SPAG16: variants seen among roughly 807,000 people sequenced by gnomAD.
SPAG16 encodes sperm-associated antigen 16 protein.
A neutral mutation model predicts 80.4 loss-of-function variants in SPAG16; 86 were observed. The ratio of observed to expected loss-of-function variants is 1.07; its 90% CI spans 0.90 to 1.28. The LOEUF (loss-of-function observed/expected upper bound fraction) is 1.28. Ranked by LOEUF, SPAG16 falls within the 50% of genes most tolerant of loss-of-function variation. The probability of loss-of-function intolerance (pLI) is 0.00; values close to 1 mark genes in which losing one functional copy is unlikely to be tolerated. For missense variants in SPAG16, 870 were observed against 765.3 expected (o/e 1.14, Z -1.61); for synonymous variants, 294 against 265.9 (o/e 1.11, Z -1.03).
At chr2:213,411,138 G>A (rs765838163) in intron 9 of SPAG16, among the ~76,000 whole-genome samples, 4 of 152,160 alleles carry the variant, frequency 2.6e-5, no homozygotes, top group East Asian at 1.9e-4. Flanking sequence ...TGGCACTTGC[G>A]CTTTAGTCCA....
At chr2:213,771,432 G>T (rs549660074) in intron 10 of SPAG16, among the ~76,000 whole-genome samples, 9 of 152,070 alleles carry the variant, frequency 5.9e-5, no homozygotes, top group Non-Finnish European at 1.2e-4. Flanking sequence ...GGTTTCTTTT[G>T]CTGTGCAGAA....
At chr2:213,542,709 G>A (rs537620236) in intron 10 of SPAG16, among the ~76,000 whole-genome samples, 1 of 152,182 alleles carries the variant, frequency 6.6e-6, no homozygotes, top group East Asian at 1.9e-4. Context: ...GAAAAAATGA[G>A]TTGATGCAGC....
chr2:213,606,409 G>A (rs1014641482), intron 10 of SPAG16, among the ~76,000 whole-genome samples: 5 of 152,078 alleles, frequency 3.3e-5, no homozygotes, highest in African/African-American at 1.2e-4. Flanking sequence ...TCACATTTTC[G>A]ACAACATTAT....
intron 10 of SPAG16, among the ~76,000 whole-genome samples, chr2:213,553,679 G>A (rs1439818385): frequency 1.3e-5 from 2 of 152,090 alleles, no homozygotes; most frequent in Admixed American, 1.3e-4. Context: ...CCAGACCTGG[G>A]CTCTGTGACT....
At chr2:214,044,328 A>T (rs1437018615) in intron 13 of SPAG16, among the ~76,000 whole-genome samples, 1 of 152,240 alleles carries the variant, frequency 6.6e-6, no homozygotes, top group East Asian at 1.9e-4. Flanking sequence ...CTTTCCATTC[A>T]TAAAATACTA....
intron 10 of SPAG16, among the ~76,000 whole-genome samples, chr2:213,813,089 C>T (rs1166931487): frequency 6.6e-6 from 1 of 152,086 alleles, no homozygotes; most frequent in Non-Finnish European, 1.5e-5. Flanking sequence ...ATAAGAATGT[C>T]ACTCTAACCC....
At chr2:214,351,052 T>A (rs943319223) in intron 15 of SPAG16, among the ~76,000 whole-genome samples, 11 of 152,210 alleles carry the variant, frequency 7.2e-5, no homozygotes, top group Admixed American at 7.2e-4. Flanking sequence ...ATTAATTGGA[T>A]CAGAGTGGAG....
intron 10 of SPAG16, among the ~76,000 whole-genome samples, chr2:213,668,009 CGGCTCACT>C (rs1407103990): frequency 6.6e-6 from 1 of 150,798 alleles, no homozygotes; most frequent in Non-Finnish European, 1.5e-5. Flanking sequence ...TGCATGATCT[CGGCTCACT>C]GCAACCTCCG....
intron 6 of SPAG16, among the ~76,000 whole-genome samples, chr2:213,347,425 C>A (rs1197666511): frequency 6.6e-6 from 1 of 151,772 alleles, no homozygotes; most frequent in African/African-American, 2.4e-5. Flanking sequence ...TGCCTTCTGC[C>A]AGCTTTTGAA....
At chr2:213,990,825 C>T (rs757909521) in intron 12 of SPAG16, among the ~76,000 whole-genome samples, 1 of 151,906 alleles carries the variant, frequency 6.6e-6, no homozygotes, top group Non-Finnish European at 1.5e-5. Flanking sequence ...TCTAAGAAGC[C>T]ACTGAAAAAA....
intron 3 of SPAG16, among the ~76,000 whole-genome samples, chr2:213,303,772 C>A (rs188847275): frequency 6.6e-6 from 1 of 152,156 alleles, no homozygotes; most frequent in Non-Finnish European, 1.5e-5. Flanking sequence ...CCTTTCTGCA[C>A]TCACCTGTTG....
At chr2:213,942,447 G>T (rs2079246736) in intron 12 of SPAG16, among the ~76,000 whole-genome samples, 1 of 152,134 alleles carries the variant, frequency 6.6e-6, no homozygotes, top group Non-Finnish European at 1.5e-5. Flanking sequence ...GCAAATAGAA[G>T]AAATCAGAAG....
chr2:213,600,721 A>G (rs956491776), intron 10 of SPAG16, among the ~76,000 whole-genome samples: 6 of 152,224 alleles, frequency 3.9e-5, no homozygotes, highest in African/African-American at 1.4e-4. Flanking sequence ...TTAAGCATGC[A>G]TATTCCTTGG....
intron 15 of SPAG16, among the ~76,000 whole-genome samples, chr2:214,266,723 T>C (rs924751582): frequency 5.9e-5 from 9 of 151,418 alleles, no homozygotes; most frequent in Non-Finnish European, 8.9e-5. Flanking sequence ...TTAGAACTAA[T>C]AAACAAATTT....
intron 12 of SPAG16, among the ~76,000 whole-genome samples, chr2:213,982,332 C>T (rs2045790884): frequency 6.6e-6 from 1 of 151,968 alleles, no homozygotes; most frequent in Admixed American, 6.6e-5. Flanking sequence ...GCTCTCAAAA[C>T]AACTCTGAGA....
chr2:214,049,024 C>T (rs1344877406), intron 13 of SPAG16, among the ~76,000 whole-genome samples: 2 of 149,340 alleles, frequency 1.3e-5, no homozygotes, highest in Non-Finnish European at 3.0e-5. Context: ...CAGCCTTGAA[C>T]TCCTGGGCTC....
intron 12 of SPAG16, among the ~76,000 whole-genome samples, chr2:213,935,979 A>G (rs1214433584): frequency 6.6e-6 from 1 of 152,174 alleles, no homozygotes; most frequent in Non-Finnish European, 1.5e-5. Context: ...ATATTTAGAG[A>G]TGACAAATTT....
At chr2:213,719,924 C>T (rs1041520907) in intron 10 of SPAG16, among the ~76,000 whole-genome samples, 5 of 152,160 alleles carry the variant, frequency 3.3e-5, no homozygotes, top group Non-Finnish European at 7.4e-5. Flanking sequence ...ATAGTAAAGA[C>T]TTGGAACCAA....
chr2:214,075,138 C>CT (rs977841090), intron 13 of SPAG16, among the ~76,000 whole-genome samples: 30 of 147,328 alleles, frequency 2.0e-4, no homozygotes, highest in Middle Eastern at 3.4e-3. Flanking sequence ...TGTACCCTAG[C>CT]TTTTTTTTTT....
Sources: allele counts gnomAD v4.1 joint callset (sites outside exome capture counted in the v4.1 genomes callset), GRCh38; gene constraint gnomAD v4.1.1; transcripts MANE v1.5; gene names NCBI Gene and HGNC (gene_info 2026-07-23, HGNC 2026-07-21).